CTNNA2: variants seen among roughly 807,000 people sequenced by gnomAD.
The protein encoded by CTNNA2 is catenin alpha 2, also known as catenin alpha-2.
CTNNA2 carries 42 observed loss-of-function variants against 101.0 expected under a neutral mutation model. The observed-to-expected ratio is 0.42, with a 90% CI of 0.32 to 0.54. The LOEUF (loss-of-function observed/expected upper bound fraction) is 0.54. Ranked by LOEUF, CTNNA2 falls within the 20% of genes least tolerant of loss-of-function variation. The pLI is 0.14. For synonymous variants in CTNNA2, 450 were observed against 456.4 expected, an observed-to-expected ratio of 0.99 and a Z score of 0.18; for missense variants, 871 against 1,223.1, an observed-to-expected ratio of 0.71 and a Z score of 4.29.
chr2:80,099,054 T>A (rs2148836784), intron 7 of CTNNA2, among the ~76,000 whole-genome samples: 1 of 152,026 alleles, frequency 6.6e-6, no homozygotes, highest in Admixed American at 6.5e-5. Context: ...ATGAACCCGG[T>A]ACCTCAGTTG....
At chr2:79,299,197 G>A (rs192245484) in intron 2 of CTNNA2, among the ~76,000 whole-genome samples, 1 of 152,152 alleles carries the variant, frequency 6.6e-6, no homozygotes, top group Non-Finnish European at 1.5e-5. Flanking sequence ...CAGGCAGGGT[G>A]TGATGGCCTG....
intron 5 of CTNNA2, among the ~76,000 whole-genome samples, chr2:79,507,809 T>A (rs1671446439): frequency 6.6e-6 from 1 of 152,184 alleles, no homozygotes; most frequent in Non-Finnish European, 1.5e-5. Context: ...CTTGTTCATA[T>A]AAGTGTGGGA....
intron 10 of CTNNA2, among the ~76,000 whole-genome samples, chr2:80,545,538 A>G (rs895510065): frequency 3.9e-5 from 6 of 151,958 alleles, no homozygotes; most frequent in Non-Finnish European, 7.4e-5. Flanking sequence ...ACTTTGTTCT[A>G]TTTGTTTTGG....
At chr2:79,830,940 TATTA>T (rs1358695800) in intron 3 of CTNNA2, among the ~76,000 whole-genome samples, 7 of 152,208 alleles carry the variant, frequency 4.6e-5, no homozygotes, top group Admixed American at 2.6e-4. Context: ...ATATTAAAAT[TATTA>T]ATTCATGATA....
chr2:79,645,295 A>C (rs1157307566), intron 1 of CTNNA2, among the ~76,000 whole-genome samples: 2 of 152,096 alleles, frequency 1.3e-5, no homozygotes, highest in Non-Finnish European at 2.9e-5. Context: ...CTGAGGTTCA[A>C]CTTTGATGAC....
intron 7 of CTNNA2, among the ~76,000 whole-genome samples, chr2:80,057,516 C>T (rs1239364182): frequency 6.6e-6 from 1 of 152,166 alleles, no homozygotes; most frequent in Non-Finnish European, 1.5e-5. Context: ...GCATCCAGCT[C>T]TGATGATGAC....
intron 3 of CTNNA2, among the ~76,000 whole-genome samples, chr2:79,800,387 T>C (rs1676061825): frequency 6.6e-6 from 1 of 152,206 alleles, no homozygotes; most frequent in Non-Finnish European, 1.5e-5. Flanking sequence ...GATTCAATTC[T>C]GATTCCTTCT....
intron 3 of CTNNA2, among the ~76,000 whole-genome samples, chr2:79,814,703 C>T (rs769359992): frequency 2.0e-5 from 3 of 151,930 alleles, no homozygotes; most frequent in South Asian, 4.2e-4. Context: ...GTTGGTTCCA[C>T]GATCATTCAA....
chr2:80,464,945 A>G lies in CTNNA2; in HGVS notation c.1290+45344A>G, dbSNP rs1394821171. ...AGAGTCTTTGCTCTCAGCTACTCTGATGGTTTTGTTTCTTTCTCTGAGATT... is the reference window on the plus strand; with the variant it reads ...AGAGTCTTTGCTCTCAGCTACTCTGGTGGTTTTGTTTCTTTCTCTGAGATT... On this transcript the variant is annotated intron_variant, in intron 9 of 18. Transcript: ENST00000402739. 2.0e-5 allele frequency among the ~76,000 whole-genome samples: 3 copies of G among 152,134 alleles called. No homozygotes were observed. In the East Asian group the frequency reaches 5.8e-4, roughly 29 times the overall value.
At chr2:79,202,338 T>A (rs1674047080) in intron 2 of CTNNA2, among the ~76,000 whole-genome samples, 4 of 101,300 alleles carry the variant, frequency 3.9e-5, no homozygotes, top group East Asian at 2.2e-4. Context: ...TTTTTTTATT[T>A]TTTTTATTTT....
chr2:79,800,132 A>G (rs1164089473), intron 3 of CTNNA2, among the ~76,000 whole-genome samples: 1 of 152,244 alleles, frequency 6.6e-6, no homozygotes, highest in African/African-American at 2.4e-5. Flanking sequence ...ATAAAATACA[A>G]GAGAACTCTT....
At chr2:80,025,127 C>T (rs758431878) in intron 7 of CTNNA2, among the ~76,000 whole-genome samples, 8 of 152,200 alleles carry the variant, frequency 5.3e-5, no homozygotes, top group African/African-American at 9.6e-5. Flanking sequence ...TTCTCCTCTG[C>T]CACTCCACTT....
intron 1 of CTNNA2, among the ~76,000 whole-genome samples, chr2:79,581,659 T>C (rs1160894714): frequency 4.6e-5 from 7 of 152,202 alleles, no homozygotes; most frequent in Non-Finnish European, 7.3e-5. Context: ...TTCACAACAG[T>C]ATGCCTTTTC....
At chr2:79,277,609 CAT>C (rs1675246754) in intron 2 of CTNNA2, among the ~76,000 whole-genome samples, 1 of 152,050 alleles carries the variant, frequency 6.6e-6, no homozygotes. Flanking sequence ...AGTTCTATGA[CAT>C]AGGTGTTATA....
At chr2:80,270,401 T>A (rs1271883580) in intron 7 of CTNNA2, among the ~76,000 whole-genome samples, 1 of 152,222 alleles carries the variant, frequency 6.6e-6, no homozygotes, top group Admixed American at 6.5e-5. Flanking sequence ...TTGCCACTGA[T>A]GGGGTGCAGA....
intron 7 of CTNNA2, among the ~76,000 whole-genome samples, chr2:80,149,325 C>A (rs1443721277): frequency 1.3e-5 from 2 of 152,154 alleles, no homozygotes; most frequent in African/African-American, 2.4e-5. Flanking sequence ...TTATAAAATA[C>A]ATGTTTTTGA....
chr2:80,336,493 A>T (rs1404081527), intron 7 of CTNNA2, among the ~76,000 whole-genome samples: 1 of 152,202 alleles, frequency 6.6e-6, no homozygotes, highest in East Asian at 1.9e-4. Context: ...AGAATTGCAG[A>T]CATTACTACA....
At position 80,088,227 on chromosome 2, in the gene CTNNA2, CTTG is replaced by C. The variant is rs946163959; in HGVS notation, c.1056+178436_1056+178438del. On this transcript the variant is annotated intron_variant, in intron 7 of 18. Coordinates refer to ENST00000402739, the MANE Select transcript of CTNNA2 (RefSeq NM_001282597.3). ...ATAAGTATAACCAATAATAATAATA[CTTG>C]TTGTTTATTCAGGGCTCATTCTCTG... Among the ~76,000 whole-genome samples the C allele has an allele frequency of 4.6e-5, 7 of 152,048 alleles. No homozygotes were observed. In the South Asian group the frequency reaches 1.0e-3, roughly 23 times the overall value.
At chr2:80,504,932 C>T (rs1306563536) in intron 9 of CTNNA2, among the ~76,000 whole-genome samples, 1 of 152,120 alleles carries the variant, frequency 6.6e-6, no homozygotes, top group African/African-American at 2.4e-5. Context: ...TGAAGCAGCT[C>T]AGAACTTCTT....
Sources: gnomAD v4.1 joint callset for allele counts (sites outside exome capture counted in the v4.1 genomes callset) on GRCh38, gnomAD v4.1.1 for gene constraint, MANE v1.5 for transcripts, NCBI Gene and HGNC (gene_info 2026-07-23, HGNC 2026-07-21) for gene names.